The following RAP2A variants were observed in gnomAD, a reference collection of about 807,000 sequenced individuals.
The protein encoded by RAP2A is RAP2A, member of RAS oncogene family, also known as ras-related protein Rap-2a.
Under a neutral mutation model 15.1 loss-of-function variants are expected in RAP2A, and 5 were observed. That is an observed-to-expected ratio of 0.33 (90% CI 0.17 to 0.70). The LOEUF (loss-of-function observed/expected upper bound fraction) is 0.70, where lower values mean the gene tolerates loss of function less well. RAP2A is among the 30% of genes least tolerant of loss of function. RAP2A has a pLI of 0.68. For synonymous variants in RAP2A, 110 were observed against 99.7 expected (o/e 1.10, Z -0.62); for missense variants, 111 against 240.3 (o/e 0.46, Z 3.56).
intron 1 of RAP2A, chr13:97,435,815 G>A (rs527923336): frequency 6.6e-6 from 1 of 152,278 alleles, no homozygotes; most frequent in East Asian, 1.9e-4. Context: ...AATGCCTGCT[G>A]ATAATTTTGG....
At chr13:97,461,710 T>A (rs2066746530) in intron 1 of RAP2A, among the ~76,000 whole-genome samples, 1 of 152,042 alleles carries the variant, frequency 6.6e-6, no homozygotes, top group Non-Finnish European at 1.5e-5. Context: ...ACGCCTGTAA[T>A]CCCAGCACTT....
intron 1 of RAP2A, among the ~76,000 whole-genome samples, chr13:97,463,273 C>G (rs2066756082): frequency 6.6e-6 from 1 of 152,234 alleles, no homozygotes; most frequent in African/African-American, 2.4e-5. Flanking sequence ...GTGAAATGTG[C>G]TACATGGAGT....
rs2066762262 is a variant in RAP2A at position 97,464,564 on chromosome 13, A to G, written c.*122A>G. The G allele has an allele frequency of 1.1e-6, 1 of 904,492 alleles. No homozygotes were observed. The highest frequency in any genetic ancestry group is 1.7e-6 in the Non-Finnish European group (1 of 576,002). 56.0% of individuals were successfully genotyped at this position (904,492 alleles called of 1,614,324 possible). ...TAATCTACAGAGAACTGCAGCCCTT[A>G]TTCAGAATTGAGCAGTGATTGTCAG... is the stretch of plus-strand genomic sequence containing the variant. On this transcript the variant is annotated 3_prime_UTR_variant, in exon 2 of 2. Coordinates refer to ENST00000245304, the MANE Select transcript of RAP2A (RefSeq NM_021033.7).
chr13:97,438,510 AGACCTTAGCAAT>A lies in RAP2A; in HGVS notation c.314+3733_314+3744del, dbSNP rs140093650. ...TTGCAAATGTTTTTTGTGAAATATC[AGACCTTAGCAAT>A]GACCTTGAACAGTAGGATATAAATA... On this transcript the variant is annotated intron_variant, in intron 1 of 1. Coordinates refer to ENST00000245304, the MANE Select transcript of RAP2A (RefSeq NM_021033.7). 5.6e-4 allele frequency among the ~76,000 whole-genome samples: 86 copies of A among 152,268 alleles called. 2 individuals are homozygous for A. The East Asian group carries it at 0.014, about 25-fold the overall frequency.
chr13:97,436,246 A>G (rs1171023134), intron 1 of RAP2A: 1 of 152,088 alleles, frequency 6.6e-6, no homozygotes, highest in African/African-American at 2.4e-5. Flanking sequence ...GTTTATAGTT[A>G]AGAGATGAAC....
Position 97,466,139 on chromosome 13 carries a change from T to G in RAP2A, c.*1697T>G, listed in dbSNP as rs1197338636. 1 of 152,076 alleles carries G rather than the reference T, an allele frequency of 6.6e-6. No homozygotes were observed. Among genetic ancestry groups the G allele is most frequent in the Non-Finnish European group, 1.5e-5 (1 of 68,032 alleles). 9.4% of individuals were successfully genotyped at this position (152,076 alleles called of 1,614,324 possible). On this transcript the variant is annotated 3_prime_UTR_variant, in exon 2 of 2. Coordinates refer to ENST00000245304, the MANE Select transcript of RAP2A (RefSeq NM_021033.7). ...TTTTTTCTTTTAAATTATTAAAGTGTCTTTTATACTTTTATGAAATCATTG... is the reference window on the plus strand; with the variant it reads ...TTTTTTCTTTTAAATTATTAAAGTGGCTTTTATACTTTTATGAAATCATTG...
chr13:97,463,537 A>G (rs537419477), intron 1 of RAP2A, among the ~76,000 whole-genome samples: 16 of 152,278 alleles, frequency 1.1e-4, no homozygotes, highest in Admixed American at 3.3e-4. Context: ...TTCTGAAGGG[A>G]TGGGGTGTGG....
At chr13:97,435,115 G>A (rs2066627262) in intron 1 of RAP2A, among the ~76,000 whole-genome samples, 1 of 152,184 alleles carries the variant, frequency 6.6e-6, no homozygotes, top group East Asian at 1.9e-4. Flanking sequence ...GAGAGGAACT[G>A]TGCAGGTATA....
At chr13:97,459,026 G>A (rs28435677) in intron 1 of RAP2A, among the ~76,000 whole-genome samples, 10 of 152,048 alleles carry the variant, frequency 6.6e-5, no homozygotes, top group Non-Finnish European at 1.2e-4. Flanking sequence ...AAAAGTGTTT[G>A]TCCACAGACT....
intron 1 of RAP2A, among the ~76,000 whole-genome samples, chr13:97,442,616 T>C (rs1166139256): frequency 6.6e-6 from 1 of 152,162 alleles, no homozygotes; most frequent in Non-Finnish European, 1.5e-5. Flanking sequence ...TGTATTACTT[T>C]TTCTATTTAT....
rs1459439484 is a variant in RAP2A, at chr13:97,466,661, T to C, written c.*2219T>C. On this transcript the variant is annotated 3_prime_UTR_variant, in exon 2 of 2. Transcript: ENST00000245304. ...TATGCAGATGTGAAAATAGGTTAAA[T>C]AATATGAAAGATATGGCAGAATGTA... The C allele has an allele frequency of 6.6e-6, 1 of 152,210 alleles. No homozygotes were observed. Among genetic ancestry groups the C allele is most frequent in the Non-Finnish European group, 1.5e-5 (1 of 68,016 alleles). 9.4% of individuals were successfully genotyped at this position (152,210 alleles called of 1,614,324 possible).
rs1252429685 is a variant in RAP2A, at chr13:97,468,903, A to T, written c.*4461A>T. On this transcript the variant is annotated 3_prime_UTR_variant, in exon 2 of 2. Coordinates refer to ENST00000245304, the MANE Select transcript of RAP2A (RefSeq NM_021033.7). ...GAAAATATATGTAGCTAAAGGAGTA[A>T]GGTGCTGCCCAATTTGGAACCCAAC... is the stretch of plus-strand genomic sequence containing the variant. 6.6e-6 allele frequency: 1 copy of T among 152,202 alleles called. No homozygotes were observed. Among genetic ancestry groups the T allele is most frequent in the Non-Finnish European group, 1.5e-5 (1 of 68,028 alleles). The allele number at this position is 152,202 out of a possible 1,614,324, so 9.4% of individuals were successfully genotyped here. A position where few individuals can be genotyped will look rare whatever the true frequency, so the allele number is the denominator to read the frequency against.
At chr13:97,438,954 G>A (rs939235717) in intron 1 of RAP2A, among the ~76,000 whole-genome samples, 1 of 152,212 alleles carries the variant, frequency 6.6e-6, no homozygotes, top group Admixed American at 6.5e-5. Flanking sequence ...ATCTTTTAAA[G>A]TTCATTTTGC....
intron 1 of RAP2A, among the ~76,000 whole-genome samples, chr13:97,457,882 G>C (rs760209188): frequency 6.6e-5 from 10 of 151,338 alleles, no homozygotes; most frequent in Non-Finnish European, 1.2e-4. Flanking sequence ...GAGTAGGAGG[G>C]ACCTATATCA....
In RAP2A at chr13:97,446,684, T is replaced by C. The variant is rs144989825; in HGVS notation, c.314+11900T>C. Among the ~76,000 whole-genome samples, 1,272 of 152,326 alleles carry C rather than the reference T, an allele frequency of 8.4e-3. 16 individuals are homozygous for C. Among genetic ancestry groups the C allele is most frequent in the African/African-American group, 0.027 (1,111 of 41,562 alleles). ...AGCTACCACATAGGAAGTCCAGCTA[T>C]GCTGCTGGAAAATTCACGGAGAGGC... On this transcript the variant is annotated intron_variant, in intron 1 of 1. Coordinates refer to ENST00000245304, the MANE Select transcript of RAP2A (RefSeq NM_021033.7).
rs1327700596 is a variant in RAP2A, at chr13:97,434,182, G to C, written c.-289G>C. ...GGGGCGGGCGGCACTGCGGGCCCGC[G>C]GCTCGGGCGGCACCAGCGGCTCCCG... is the stretch of plus-strand genomic sequence containing the variant. On this transcript the variant is annotated 5_prime_UTR_variant, in exon 1 of 2. Coordinates refer to ENST00000245304, the MANE Select transcript of RAP2A (RefSeq NM_021033.7). 6.8e-6 allele frequency: 1 copy of C among 146,082 alleles called. No homozygotes were observed. The highest frequency in any genetic ancestry group is 1.5e-5 in the Non-Finnish European group (1 of 65,996). The allele number at this position is 146,082 out of a possible 1,614,324, so 9.0% of individuals were successfully genotyped here.
intron 1 of RAP2A, among the ~76,000 whole-genome samples, chr13:97,462,244 A>G (rs7990663): frequency 0.044 from 6,682 of 151,938 alleles, 163 homozygotes; most frequent in East Asian, 0.097. Flanking sequence ...TCCACTGTCA[A>G]GCAAAGCATT....
chr13:97,443,069 A>G (rs961796319), intron 1 of RAP2A, among the ~76,000 whole-genome samples: 1 of 152,186 alleles, frequency 6.6e-6, no homozygotes, highest in Non-Finnish European at 1.5e-5. Context: ...TGAATACATG[A>G]GTGCGGGATT....
At chr13:97,461,701 C>T (rs1432786599) in intron 1 of RAP2A, among the ~76,000 whole-genome samples, 3 of 152,030 alleles carry the variant, frequency 2.0e-5, no homozygotes, top group Non-Finnish European at 4.4e-5. Flanking sequence ...CGGTGGCTCA[C>T]GCCTGTAATC....
Sources: gnomAD v4.1 joint callset for allele counts (sites outside exome capture counted in the v4.1 genomes callset) on GRCh38, gnomAD v4.1.1 for gene constraint, MANE v1.5 for transcripts, NCBI Gene and HGNC (gene_info 2026-07-23, HGNC 2026-07-21) for gene names.